TMEM59L: variants seen among roughly 807,000 people sequenced by gnomAD.
TMEM59L encodes the protein transmembrane protein 59-like.
A neutral mutation model predicts 39.6 loss-of-function variants in TMEM59L; 31 were observed. That is an observed-to-expected ratio of 0.78 (90% CI 0.59 to 1.06). The LOEUF (loss-of-function observed/expected upper bound fraction) is 1.06, where lower values mean the gene tolerates loss of function less well. Ranked by LOEUF, TMEM59L falls within the 50% of genes least tolerant of loss-of-function variation. The probability of loss-of-function intolerance (pLI) is 0.00; values close to 1 mark genes in which losing one functional copy is unlikely to be tolerated. For synonymous variants in TMEM59L, 219 were observed against 202.9 expected (o/e 1.08, Z -0.68); for missense variants, 441 against 451.3 (o/e 0.98, Z 0.21).
chr19:18,616,159 G>A (rs1245602206), intron 4 of TMEM59L, 32 bp downstream of exon 4: 12 of 1,611,534 alleles, frequency 7.4e-6, no homozygotes, highest in Non-Finnish European at 1.0e-5. Flanking sequence ...ACGCCAGAGT[G>A]GCAGATGGGT....
intron 6 of TMEM59L, 43 bp from the exon 7 acceptor site, chr19:18,618,332 G>A (rs915400406): frequency 1.2e-6 from 2 of 1,607,800 alleles, no homozygotes; most frequent in Admixed American, 3.3e-5. Flanking sequence ...GGTCTCCCTG[G>A]TCCCGGCCTG....
chr19:18,620,656 C>T lies in TMEM59L; in HGVS notation c.*120C>T. 1 of 1,372,368 alleles carries T rather than the reference C, an allele frequency of 7.3e-7. No homozygotes were observed. The highest frequency in any genetic ancestry group is 9.6e-7 in the Non-Finnish European group (1 of 1,044,648). The allele number at this position is 1,372,368 out of a possible 1,614,324, so 85.0% of individuals were successfully genotyped here. A position where few individuals can be genotyped will look rare whatever the true frequency, so the allele number is the denominator to read the frequency against. ...TGAGCCCCTCCACCCCCAAATCCTT[C>T]CTCTCCTCCCAGTCCCACCCCTTGC... is the stretch of plus-strand genomic sequence containing the variant. On this transcript the variant is annotated 3_prime_UTR_variant, in exon 8 of 8. Coordinates refer to ENST00000262817, the MANE Select transcript of TMEM59L (RefSeq NM_012109.3).
At chr19:18,617,716 C>CTCCCAGGGTTCCATGGTCCATT (rs1179562100) in intron 5 of TMEM59L, 10 of 436,646 alleles carry the variant, frequency 2.3e-5, no homozygotes, top group Non-Finnish European at 4.5e-5. Context: ...TGCAGTCCAT[C>CTCCCAGGGTTCCATGGTCCATT]TCCCAGGGTT....
intron 5 of TMEM59L, chr19:18,617,464 C>A (rs1378326421): frequency 6.4e-6 from 3 of 470,590 alleles, no homozygotes; most frequent in Non-Finnish European, 1.3e-5. Context: ...GTTCTGTGGT[C>A]CACCTCCCAG....
chr19:18,612,936 C>T lies in TMEM59L; in HGVS notation c.-23C>T. Reference sequence around the variant, plus strand: ...GCCCGGCCTGAGCTGGAGTCCCCCGCGCCCCCCGCGTTCCGCCCGGCCATG... The same window carrying T: ...GCCCGGCCTGAGCTGGAGTCCCCCGTGCCCCCCGCGTTCCGCCCGGCCATG... On this transcript the variant is annotated 5_prime_UTR_variant, in exon 1 of 8. Transcript: ENST00000262817. This position sits in a 1 kb window ranked among gnomAD's most constrained non-coding sequence, Gnocchi z 6.2. 1.5e-6 allele frequency: 2 copies of T among 1,291,136 alleles called. No individual in the cohort carries two copies. The highest frequency in any genetic ancestry group is 2.0e-6 in the Non-Finnish European group (2 of 1,023,594). 80.0% of individuals were successfully genotyped at this position (1,291,136 alleles called of 1,614,324 possible).
In TMEM59L at chr19:18,613,961, C is replaced by A; in HGVS notation, c.261C>A (p.Cys87Ter). The A allele has an allele frequency of 6.2e-7, 1 of 1,613,392 alleles. No homozygotes were observed. The highest frequency in any genetic ancestry group is 8.5e-7 in the Non-Finnish European group (1 of 1,180,040). ...CERGCRLFSICRFVARSSKPN... is the reference protein window; with the variant it reads ...CERGCRLFSI ...GTGGCTGCCGCCTCTTCTCCATCTG[C>A]CGATTTGTGGCCAGAAGCTCCAAGC... The change falls in exon 2 of 8, where the codon TGC becomes TGA. Residue 87 changes from cysteine (C) to a stop codon, truncating the protein, a stop_gained. Coordinates refer to ENST00000262817, the MANE Select transcript of TMEM59L (RefSeq NM_012109.3). LOFTEE classifies it high-confidence loss of function.
At chr19:18,614,991 T>C (rs1168199017) in intron 3 of TMEM59L, among the ~76,000 whole-genome samples, 1 of 152,170 alleles carries the variant, frequency 6.6e-6, no homozygotes, top group Non-Finnish European at 1.5e-5. Flanking sequence ...TATTTATTTA[T>C]TTATTTTTTG....
Position 18,617,476 on chromosome 19 carries a change from G to A in TMEM59L, c.664+374G>A, listed in dbSNP as rs72479532. 114 of 467,748 alleles carry A rather than the reference G, an allele frequency of 2.4e-4. 1 individual carries two copies. In the East Asian group the frequency reaches 3.5e-3, roughly 14 times the overall value. 29.0% of individuals were successfully genotyped at this position (467,748 alleles called of 1,614,324 possible). Reference sequence around the variant, plus strand: ...AGCGTTCTGTGGTCCACCTCCCAGGGATCCATGGTTCACTTTCCAGGGTTC... The same window carrying A: ...AGCGTTCTGTGGTCCACCTCCCAGGAATCCATGGTTCACTTTCCAGGGTTC... On this transcript the variant is annotated intron_variant, in intron 5 of 7. Transcript: ENST00000262817.
rs1313236943 is a variant in TMEM59L, at chr19:18,617,019, G to A, written c.581G>A (p.Ser194Asn). 1.2e-6 allele frequency: 2 copies of A among 1,611,852 alleles called. No homozygotes were observed. Among genetic ancestry groups the A allele is most frequent in the East Asian group, 4.5e-5 (2 of 44,868 alleles). ...GCCCAGACTCAGCCCATAGTGGAGA[G>A]CCTCGGCTTCCAGGGGGGCCGTCTG... ...VVFQTQPIVE[S>N]LGFQGGRLQR... The change falls in exon 5 of 8, where the codon AGC becomes AAC. Residue 194 changes from serine (S) to asparagine (N), a missense_variant. Transcript: ENST00000262817.
chr19:18,615,945 A>G (rs1976422231), intron 3 of TMEM59L, 30 bp from the exon 4 acceptor site: 2 of 1,607,900 alleles, frequency 1.2e-6, no homozygotes. Flanking sequence ...TTTCGGTGCC[A>G]TCTTTGTGTC....
At chr19:18,616,154 A>T in intron 4 of TMEM59L, 27 bp downstream of exon 4, 1 of 1,611,946 alleles carries the variant, frequency 6.2e-7, no homozygotes, top group Non-Finnish European at 8.5e-7. Context: ...GGGCCACGCC[A>T]GAGTGGCAGA....
In TMEM59L at chr19:18,618,287, C is replaced by T; in HGVS notation, c.782+15C>T. On this transcript the variant is annotated intron_variant, in intron 6 of 7. Coordinates refer to ENST00000262817, the MANE Select transcript of TMEM59L (RefSeq NM_012109.3). ...TGCATGTCCCGGTGGGTGGCAGGAC[C>T]TTGGGGGTGGGAGGGGGGTGGGACT... 1 of 1,040,300 alleles carries T rather than the reference C, an allele frequency of 9.6e-7. No individual in the cohort carries two copies. The highest frequency in any genetic ancestry group is 1.3e-6 in the Non-Finnish European group (1 of 743,614). 64.4% of individuals were successfully genotyped at this position (1,040,300 alleles called of 1,614,324 possible). A position where few individuals can be genotyped will look rare whatever the true frequency, so the allele number is the denominator to read the frequency against.
intron 1 of TMEM59L, among the ~76,000 whole-genome samples, chr19:18,613,525 A>C (rs1976393429): frequency 6.6e-6 from 1 of 151,488 alleles, no homozygotes; most frequent in Non-Finnish European, 1.5e-5. Context: ...CCAGGATTCA[A>C]GCCTGATCTG....
intron 1 of TMEM59L, among the ~76,000 whole-genome samples, chr19:18,613,331 G>A (rs974734006): frequency 1.3e-5 from 2 of 152,072 alleles, no homozygotes; most frequent in Non-Finnish European, 2.9e-5. Flanking sequence ...TGGGGATGCA[G>A]GTCCTTGCGA....
chr19:18,620,284 A>G (rs1324479691), intron 7 of TMEM59L, 124 bp from the exon 8 acceptor site: 1 of 940,090 alleles, frequency 1.1e-6, no homozygotes, highest in East Asian at 2.8e-5. Flanking sequence ...CCTGGGTGAC[A>G]GAGAGAGACT....
chr19:18,613,793 C>T, intron 1 of TMEM59L, 79 bp from the exon 2 acceptor site: 2 of 1,196,446 alleles, frequency 1.7e-6, no homozygotes, highest in East Asian at 2.4e-5. Flanking sequence ...CTTTCCCTGC[C>T]TCTGCTGAAT....
intron 5 of TMEM59L, 119 bp from the exon 6 acceptor site, chr19:18,618,036 G>A: frequency 1.3e-6 from 1 of 757,650 alleles, no homozygotes; most frequent in East Asian, 2.4e-5. Flanking sequence ...ATCTCCCAGG[G>A]CTCTGATCTC....
rs1976484306 is a variant in TMEM59L, at chr19:18,620,492, A to C, written c.985A>C (p.Ser329Arg). Residue 329 changes from serine to arginine, a missense_variant, in exon 8 of 8, where the codon AGC (serine) becomes CGC (arginine). Physicochemically the swap from Ser to Arg is moderately radical, Grantham distance 110. Coordinates refer to ENST00000262817, the MANE Select transcript of TMEM59L (RefSeq NM_012109.3). ...YPPPSHACED[S>R]LPPYKLKLDL... ...GCCGCCGTCCCACGCCTGTGAGGAC[A>C]GCCTACCACCCTACAAGCTGAAGCT... 1.2e-6 allele frequency: 2 copies of C among 1,613,702 alleles called. No individual in the cohort carries two copies. The highest frequency in any genetic ancestry group is 2.7e-5 in the African/African-American group (2 of 74,904).
intron 7 of TMEM59L, among the ~76,000 whole-genome samples, chr19:18,620,077 TG>T (rs1976478483): frequency 6.7e-6 from 1 of 149,602 alleles, no homozygotes; most frequent in Non-Finnish European, 1.5e-5. Context: ...GAGGCTGAGG[TG>T]GGCAGATCAC....
Sources: allele counts gnomAD v4.1 joint callset (sites outside exome capture counted in the v4.1 genomes callset), GRCh38; gene constraint gnomAD v4.1.1; non-coding constraint Gnocchi (gnomAD v3.1); transcripts MANE v1.5; gene names NCBI Gene and HGNC (gene_info 2026-07-23, HGNC 2026-07-21).